Variants in CNTN3 observed in about 807,000 individuals in gnomAD.
CNTN3 encodes contactin-3.
A neutral mutation model predicts 119.1 loss-of-function variants in CNTN3; 60 were observed. The ratio of observed to expected loss-of-function variants is 0.50; its 90% CI spans 0.41 to 0.62. CNTN3 has a LOEUF of 0.62. Among genes scored for constraint, CNTN3 ranks in the 20% least tolerant of loss-of-function variants. CNTN3 has a pLI of 0.00. For synonymous variants in CNTN3, 450 were observed against 438.7 expected, an observed-to-expected ratio of 1.03 and a Z score of -0.32; for missense variants, 1,101 against 1,242.4, an observed-to-expected ratio of 0.89 and a Z score of 1.71.
At chr3:74,303,536 T>C (rs1342784571) in intron 13 of CNTN3, among the ~76,000 whole-genome samples, 1 of 151,890 alleles carries the variant, frequency 6.6e-6, no homozygotes, top group South Asian at 2.1e-4. Context: ...CTACTAAAAA[T>C]ACAAAAATTA....
rs764516466 is a variant in CNTN3, at chr3:74,369,940, A to G, written c.710T>C (p.Leu237Pro). The G allele has an allele frequency of 2.5e-6, 4 of 1,609,612 alleles. No individual in the cohort carries two copies. Among genetic ancestry groups the G allele is most frequent in the Non-Finnish European group, 3.4e-6 (4 of 1,177,386 alleles). ...PKIEVQFPETLPAAKGSTVKL... is the reference protein window; with the variant it reads ...PKIEVQFPETPPAAKGSTVKL... ...CACAGTCGAACCTTTAGCTGCTGGA[A>G]GAGTTTCTGGAAACTGAACTTCTAT... Residue 237 changes from leucine to proline, a missense_variant, in exon 7 of 23, where the codon CTT (leucine) becomes CCT (proline). Coordinates refer to ENST00000263665, the MANE Select transcript of CNTN3 (RefSeq NM_020872.3).
chr3:74,409,644 C>A (rs919917290), intron 5 of CNTN3, among the ~76,000 whole-genome samples: 5 of 152,030 alleles, frequency 3.3e-5, no homozygotes, highest in Non-Finnish European at 7.4e-5. Context: ...AGAAACTATT[C>A]TTTGGACAGA....
At chr3:74,574,613 C>G (rs1704384988) in intron 1 of CNTN3, among the ~76,000 whole-genome samples, 1 of 152,166 alleles carries the variant, frequency 6.6e-6, no homozygotes, top group Non-Finnish European at 1.5e-5. Context: ...GGAAGTCATG[C>G]TGTTTTTCTC....
intron 1 of CNTN3, among the ~76,000 whole-genome samples, chr3:74,576,802 G>GT (rs1704425205): frequency 6.6e-6 from 1 of 151,784 alleles, no homozygotes; most frequent in African/African-American, 2.4e-5. Flanking sequence ...ACTAGTGCAT[G>GT]TTTTTCTAAA....
intron 1 of CNTN3, among the ~76,000 whole-genome samples, chr3:74,588,618 A>G (rs564111785): frequency 1.2e-4 from 19 of 152,194 alleles, no homozygotes; most frequent in African/African-American, 4.3e-4. Context: ...TAACGTTCCT[A>G]TGGAACCAAA....
At chr3:74,502,318 T>C (rs7428981) in intron 2 of CNTN3, among the ~76,000 whole-genome samples, 134,492 of 152,060 alleles carry the variant, frequency 0.88, 59,853 homozygotes, top group Non-Finnish European at 0.94. Flanking sequence ...AAATTTCCTC[T>C]AAGTGGTCAC....
At chr3:74,592,241 A>G (rs185434428) in intron 1 of CNTN3, among the ~76,000 whole-genome samples, 59 of 152,008 alleles carry the variant, frequency 3.9e-4, no homozygotes, top group African/African-American at 1.4e-3. Context: ...CAGAAGGCAG[A>G]CTGGAAGATG....
At chr3:74,386,977 G>A (rs1280358390) in intron 5 of CNTN3, among the ~76,000 whole-genome samples, 1 of 152,194 alleles carries the variant, frequency 6.6e-6, no homozygotes, top group Non-Finnish European at 1.5e-5. Flanking sequence ...GATTCAAGAA[G>A]TGAGAAAATG....
chr3:74,465,222 TTTTTCACCAGAC>T (rs1213404213), intron 4 of CNTN3, among the ~76,000 whole-genome samples: 2 of 152,168 alleles, frequency 1.3e-5, no homozygotes, highest in Non-Finnish European at 2.9e-5. Flanking sequence ...TCCAAAATTA[TTTTTCACCAGAC>T]TTTGTGTTCC....
intron 4 of CNTN3, among the ~76,000 whole-genome samples, chr3:74,446,316 T>C (rs1255250811): frequency 6.6e-6 from 1 of 152,172 alleles, no homozygotes; most frequent in Non-Finnish European, 1.5e-5. Flanking sequence ...ATGCATTAAT[T>C]GTGGCAGAAA....
intron 2 of CNTN3, among the ~76,000 whole-genome samples, chr3:74,503,105 G>GT (rs1559636124): frequency 6.6e-6 from 1 of 152,142 alleles, no homozygotes; most frequent in African/African-American, 2.4e-5. Flanking sequence ...CTCCCCAGAA[G>GT]TGAGGCCTAG....
chr3:74,312,345 A>G (rs1702706349), intron 13 of CNTN3, among the ~76,000 whole-genome samples: 1 of 149,030 alleles, frequency 6.7e-6, no homozygotes, highest in Non-Finnish European at 1.5e-5. Context: ...AGTCCCAGCT[A>G]CTCGGGAGGC....
At chr3:74,503,065 C>G (rs1326650254) in intron 2 of CNTN3, among the ~76,000 whole-genome samples, 3 of 152,070 alleles carry the variant, frequency 2.0e-5, no homozygotes, top group African/African-American at 4.8e-5. Context: ...AATTTCAGAG[C>G]TCATCTTCTC....
rs776621925 is a variant in CNTN3 at position 74,551,754 on chromosome 3, C to CTTTTTTTTT, written c.-80-30571_-80-30563dup. Among the ~76,000 whole-genome samples the CTTTTTTTTT allele has an allele frequency of 2.2e-3, 134 of 60,204 alleles. 3 individuals carry two copies. Among genetic ancestry groups the CTTTTTTTTT allele is most frequent in the Non-Finnish European group, 2.8e-3 (100 of 35,942 alleles). 39.5% of individuals were successfully genotyped at this position (60,204 alleles called of 152,430 possible). ...AGATCTGCTTCTTCTTCTTCTTCTT[C>CTTTTTTTTT]TTTTTTTTTTTTTTTTTTTTTTTTT... On this transcript the variant is annotated intron_variant, in intron 1 of 22. Coordinates refer to ENST00000263665, the MANE Select transcript of CNTN3 (RefSeq NM_020872.3).
At chr3:74,561,465 T>C (rs1006204930) in intron 1 of CNTN3, among the ~76,000 whole-genome samples, 18 of 152,176 alleles carry the variant, frequency 1.2e-4, no homozygotes, top group African/African-American at 3.9e-4. Context: ...TTGTTCTTCA[T>C]ATGCGTCAAG....
At chr3:74,407,270 T>TTC (rs1701344702) in intron 5 of CNTN3, among the ~76,000 whole-genome samples, 1 of 141,396 alleles carries the variant, frequency 7.1e-6, no homozygotes, top group Admixed American at 7.1e-5. Context: ...TTCTATTTTT[T>TTC]TTTTTTTTTT....
intron 1 of CNTN3, among the ~76,000 whole-genome samples, chr3:74,563,268 A>G (rs1704179549): frequency 6.6e-6 from 1 of 152,152 alleles, no homozygotes. Context: ...CAGTAAGCCC[A>G]AAGTGGGGGA....
intron 13 of CNTN3, among the ~76,000 whole-genome samples, chr3:74,320,283 G>A (rs1437648904): frequency 2.0e-5 from 3 of 152,152 alleles, no homozygotes; most frequent in Non-Finnish European, 2.9e-5. Flanking sequence ...GTCCAACAAC[G>A]ATAGACTGGA....
chr3:74,279,051 A>G (rs1426633007), intron 20 of CNTN3, among the ~76,000 whole-genome samples: 1 of 152,200 alleles, frequency 6.6e-6, no homozygotes, highest in East Asian at 1.9e-4. Flanking sequence ...AATCAAAACC[A>G]CAATGCAATA....
Sources: gnomAD v4.1 joint callset for allele counts (sites outside exome capture counted in the v4.1 genomes callset) on GRCh38, gnomAD v4.1.1 for gene constraint, MANE v1.5 for transcripts, NCBI Gene and HGNC (gene_info 2026-07-23, HGNC 2026-07-21) for gene names.